Variants in LGSN observed in about 807,000 individuals in gnomAD.
The protein encoded by LGSN is lengsin, lens protein with glutamine synthetase domain.
Under a neutral mutation model 19.5 loss-of-function variants are expected in LGSN, and 21 were observed. That is an observed-to-expected ratio of 1.07 (90% CI 0.76 to 1.55). The LOEUF is 1.55. LGSN is among the 40% of genes most tolerant of loss of function. The probability of loss-of-function intolerance (pLI) is 0.00; values close to 1 mark genes in which losing one functional copy is unlikely to be tolerated. For missense variants in LGSN, 673 were observed against 608.5 expected (o/e 1.11, Z -1.12); for synonymous variants, 257 against 215.6 (o/e 1.19, Z -1.68).
the LGSN span, chr6:63,521,600 T>C: frequency 6.6e-6 from 1 of 152,208 alleles, no homozygotes; most frequent in Non-Finnish European, 1.5e-5. Context: ...AGTAGCATAG[T>C]TTGGAAACAA....
chr6:63,361,458 G>A, the LGSN span, among the ~76,000 whole-genome samples: 2 of 152,212 alleles, frequency 1.3e-5, no homozygotes, highest in Non-Finnish European at 2.9e-5. Context: ...TCCGAGTCAT[G>A]CGCAGGATAT....
the LGSN span, among the ~76,000 whole-genome samples, chr6:63,482,085 A>G: frequency 6.6e-6 from 1 of 152,168 alleles, no homozygotes; most frequent in African/African-American, 2.4e-5. Flanking sequence ...ACAGAACTCC[A>G]TCCTTTAAAT....
the LGSN span, among the ~76,000 whole-genome samples, chr6:63,351,443 G>C: frequency 6.6e-6 from 1 of 151,928 alleles, no homozygotes; most frequent in Admixed American, 6.6e-5. Context: ...GGAAGAGAGA[G>C]AGAGAGAGAG....
the LGSN span, among the ~76,000 whole-genome samples, chr6:63,568,658 T>TAA: frequency 2.1e-5 from 3 of 144,620 alleles, no homozygotes; most frequent in Non-Finnish European, 4.6e-5. Context: ...ATCATTTTGT[T>TAA]AAAAAAAAAA....
chr6:63,482,941 T>G, the LGSN span, among the ~76,000 whole-genome samples: 3 of 152,160 alleles, frequency 2.0e-5, no homozygotes, highest in Admixed American at 2.0e-4. Flanking sequence ...CCTCAAGTGA[T>G]CTGCCCACGT....
At chr6:63,333,955 G>A in the LGSN span, among the ~76,000 whole-genome samples, 4 of 152,022 alleles carry the variant, frequency 2.6e-5, no homozygotes, top group Admixed American at 6.6e-5. Flanking sequence ...CAAAAAACTT[G>A]GTGTAGAAAA....
the LGSN span, among the ~76,000 whole-genome samples, chr6:63,515,940 A>AG: frequency 6.6e-6 from 1 of 152,246 alleles, no homozygotes; most frequent in Non-Finnish European, 1.5e-5. Flanking sequence ...TAGAAGTAAC[A>AG]TAGTCTGATT....
At chr6:63,404,294 C>T in the LGSN span, among the ~76,000 whole-genome samples, 8 of 152,018 alleles carry the variant, frequency 5.3e-5, no homozygotes, top group East Asian at 7.7e-4. Context: ...GATAAAAATG[C>T]GTTAACTTAA....
At chr6:63,564,208 G>A in the LGSN span, among the ~76,000 whole-genome samples, 8 of 151,748 alleles carry the variant, frequency 5.3e-5, no homozygotes, top group Middle Eastern at 3.4e-3. Flanking sequence ...CCCGGGAGAC[G>A]GAGGTTGCAG....
At chr6:63,313,867 A>AATAC (rs1187994076) in intron 1 of LGSN, among the ~76,000 whole-genome samples, 98 of 88,934 alleles carry the variant, frequency 1.1e-3, no homozygotes, top group Non-Finnish European at 1.7e-3. Flanking sequence ...TAAATAAATA[A>AATAC]ATACATACAT....
chr6:63,437,352 G>A, the LGSN span, among the ~76,000 whole-genome samples: 1 of 151,868 alleles, frequency 6.6e-6, no homozygotes, highest in African/African-American at 2.4e-5. Context: ...GCAGACTGGC[G>A]CTTCTTGCTC....
the LGSN span, among the ~76,000 whole-genome samples, chr6:63,538,732 G>C: frequency 6.6e-6 from 1 of 152,156 alleles, no homozygotes; most frequent in East Asian, 1.9e-4. Flanking sequence ...AGAATCACAT[G>C]GAAGGCTTGT....
At chr6:63,548,801 G>C in the LGSN span, 1 of 732,406 alleles carries the variant, frequency 1.4e-6, no homozygotes, top group Non-Finnish European at 2.5e-6. Context: ...TGCCTCCCCA[G>C]TGACGGCGGA....
At chr6:63,497,588 A>G in the LGSN span, among the ~76,000 whole-genome samples, 2 of 152,064 alleles carry the variant, frequency 1.3e-5, no homozygotes, top group African/African-American at 4.8e-5. Flanking sequence ...AGAAAGTTAT[A>G]ACATTGCCCA....
the LGSN span, among the ~76,000 whole-genome samples, chr6:63,373,119 C>G: frequency 2.6e-5 from 4 of 152,202 alleles, no homozygotes; most frequent in Non-Finnish European, 5.9e-5. Context: ...TGGCTGACAT[C>G]CCTTTGACTC....
chr6:63,305,649 C>T (rs558594162), intron 1 of LGSN, among the ~76,000 whole-genome samples: 1 of 152,092 alleles, frequency 6.6e-6, no homozygotes, highest in Non-Finnish European at 1.5e-5. Context: ...AAATGTTATC[C>T]AACAATGTGG....
At chr6:63,530,963 C>T in the LGSN span, among the ~76,000 whole-genome samples, 1 of 152,116 alleles carries the variant, frequency 6.6e-6, no homozygotes, top group Non-Finnish European at 1.5e-5. Context: ...TATTTTTCTA[C>T]ATTTGTTTGC....
the LGSN span, chr6:63,548,758 C>A: frequency 2.9e-6 from 2 of 697,426 alleles, no homozygotes; most frequent in Admixed American, 4.1e-5. Context: ...TCGAGCTTGC[C>A]AATGCAAGCC....
the LGSN span, among the ~76,000 whole-genome samples, chr6:63,471,841 G>A: frequency 6.6e-6 from 1 of 152,110 alleles, no homozygotes; most frequent in Non-Finnish European, 1.5e-5. Context: ...ATGAGGTCAT[G>A]AGGGTGGGGA....
Sources: allele counts gnomAD v4.1 joint callset (sites outside exome capture counted in the v4.1 genomes callset), GRCh38; gene constraint gnomAD v4.1.1; transcripts MANE v1.5; gene names NCBI Gene and HGNC (gene_info 2026-07-23, HGNC 2026-07-21).